RNF144A: variants seen among roughly 807,000 people sequenced by gnomAD.
RNF144A encodes E3 ubiquitin-protein ligase RNF144A.
In RNF144A, 11 loss-of-function variants were observed where a neutral mutation model predicts 38.7. The ratio of observed to expected loss-of-function variants is 0.28; its 90% CI spans 0.18 to 0.47. The LOEUF (loss-of-function observed/expected upper bound fraction) is 0.47. RNF144A is among the 20% of genes least tolerant of loss of function. The pLI, the probability that RNF144A is intolerant of heterozygous loss-of-function variation, is 0.99. For missense variants in RNF144A, 316 were observed against 377.2 expected (o/e 0.84, Z 1.34); for synonymous variants, 149 against 143.9 (o/e 1.04, Z -0.25).
chr2:7,020,553 C>G lies in RNF144A; in HGVS notation c.382C>G (p.Gln128Glu). ...AVCQLQDVGLQTPQPVQCKAC... is the reference protein window; with the variant it reads ...AVCQLQDVGLETPQPVQCKAC... ...GTGTCAGCTCCAGGACGTGGGGCTG[C>G]AGACCCCCCAGCCAGTGCAGTGCAA... The change falls in exon 6 of 9, where the codon CAG becomes GAG. Residue 128 changes from glutamine (Q) to glutamate (E), a missense_variant. Transcript: ENST00000320892. 6.2e-7 allele frequency: 1 copy of G among 1,613,410 alleles called. No homozygotes were observed. The highest frequency in any genetic ancestry group is 8.5e-7 in the Non-Finnish European group (1 of 1,179,992).
In RNF144A at chr2:7,042,389, T is replaced by C. The variant is rs907814674; in HGVS notation, c.*2629T>C. 7.1e-6 allele frequency: 7 copies of C among 985,280 alleles called. No homozygotes were observed. The highest frequency in any genetic ancestry group is 5.2e-5 in the African/African-American group (3 of 57,218). 61.0% of individuals were successfully genotyped at this position (985,280 alleles called of 1,614,324 possible). On this transcript the variant is annotated 3_prime_UTR_variant, in exon 9 of 9. Transcript: ENST00000320892. ...GGCATAATTTGTCTCCATTGAAAAA[T>C]GGCATTCACTCTTACAGATGGTGTT...
intron 8 of RNF144A, among the ~76,000 whole-genome samples, chr2:7,038,925 G>A (rs750599617): frequency 6.6e-6 from 1 of 151,676 alleles, no homozygotes; most frequent in East Asian, 1.9e-4. Flanking sequence ...ATGGATAGAT[G>A]GATGATGGTT....
intron 2 of RNF144A, among the ~76,000 whole-genome samples, chr2:6,946,922 T>G (rs1666377707): frequency 6.6e-6 from 1 of 152,192 alleles, no homozygotes; most frequent in Non-Finnish European, 1.5e-5. Flanking sequence ...AGGTTTACTT[T>G]TGTGGGAAGA....
chr2:7,056,515 CCCT>C (rs1342146686), intron 6 of RNF144A, among the ~76,000 whole-genome samples: 1 of 152,208 alleles, frequency 6.6e-6, no homozygotes, highest in Non-Finnish European at 1.5e-5. Context: ...CACCAACCAT[CCCT>C]CCTCAGCCCA....
chr2:7,003,655 A>C (rs1268335273), intron 3 of RNF144A, among the ~76,000 whole-genome samples: 1 of 152,214 alleles, frequency 6.6e-6, no homozygotes, highest in Non-Finnish European at 1.5e-5. Flanking sequence ...AGAATCCTCT[A>C]AGGATACATT....
Position 7,014,709 on chromosome 2 carries a change from T to G in RNF144A, c.241-3T>G. 6.2e-7 allele frequency: 1 copy of G among 1,611,852 alleles called. No individual in the cohort carries two copies. Among genetic ancestry groups the G allele is most frequent in the Non-Finnish European group, 8.5e-7 (1 of 1,178,102 alleles). On this transcript the variant is annotated splice_polypyrimidine_tract_variant and splice_region_variant and intron_variant, in intron 4 of 8. Transcript: ENST00000320892. ...TTCCTGTTTGCATTTTTTTTTCCCT[T>G]AGATTGAGTGCATGGTTGCAGCTGA...
At chr2:6,968,491 C>T (rs1053999057) in intron 2 of RNF144A, among the ~76,000 whole-genome samples, 1 of 152,190 alleles carries the variant, frequency 6.6e-6, no homozygotes, top group African/African-American at 2.4e-5. Context: ...AACATGAACA[C>T]GGCTCCAGTA....
downstream of RNF144A, among the ~76,000 whole-genome samples, chr2:7,045,383 G>C (rs1673265851): frequency 6.6e-6 from 1 of 152,166 alleles, no homozygotes; most frequent in African/African-American, 2.4e-5. Flanking sequence ...TGAAGGTTCA[G>C]GTATCTGCAG....
At chr2:7,027,716 T>C (rs1032600053) in intron 7 of RNF144A, among the ~76,000 whole-genome samples, 1 of 152,224 alleles carries the variant, frequency 6.6e-6, no homozygotes, top group Admixed American at 6.5e-5. Flanking sequence ...ATGGAACTTT[T>C]CTGAACAATA....
intron 6 of RNF144A, among the ~76,000 whole-genome samples, chr2:7,061,625 T>G (rs1196992574): frequency 1.3e-5 from 2 of 152,212 alleles, no homozygotes; most frequent in South Asian, 2.1e-4. Flanking sequence ...CTTAGGCAAG[T>G]CTTCTGCTGT....
intron 1 of RNF144A, chr2:6,918,613 A>G (rs910008149): frequency 6.6e-6 from 1 of 151,058 alleles, no homozygotes; most frequent in Non-Finnish European, 1.5e-5. Context: ...AAATACAAAA[A>G]ATTAGCCGGG....
intron 5 of RNF144A, among the ~76,000 whole-genome samples, chr2:7,017,943 A>T (rs980240489): frequency 2.6e-5 from 4 of 152,134 alleles, no homozygotes; most frequent in Admixed American, 6.5e-5. Flanking sequence ...CTATATGAGG[A>T]CAAAACTAAT....
At chr2:7,060,062 A>T (rs1467950065) in intron 6 of RNF144A, among the ~76,000 whole-genome samples, 2 of 152,172 alleles carry the variant, frequency 1.3e-5, no homozygotes, top group Non-Finnish European at 2.9e-5. Context: ...TTGAAACGTT[A>T]TCCATGTTCT....
At chr2:6,973,449 T>TA (rs1668112912) in intron 2 of RNF144A, among the ~76,000 whole-genome samples, 1 of 152,198 alleles carries the variant, frequency 6.6e-6, no homozygotes, top group Non-Finnish European at 1.5e-5. Flanking sequence ...ACACGCAGAT[T>TA]AAATGCTGAT....
At chr2:6,977,387 T>C (rs755939920) in intron 2 of RNF144A, among the ~76,000 whole-genome samples, 46 of 152,260 alleles carry the variant, frequency 3.0e-4, no homozygotes, top group Non-Finnish European at 6.2e-4. Flanking sequence ...GACATGGTTC[T>C]TTTGAACATC....
intron 2 of RNF144A, among the ~76,000 whole-genome samples, chr2:6,942,900 C>A (rs1283588431): frequency 6.6e-6 from 1 of 152,188 alleles, no homozygotes. Context: ...AGGAGAATTG[C>A]TTGAACCTGG....
chr2:7,004,371 C>T (rs1418076077), intron 3 of RNF144A, among the ~76,000 whole-genome samples: 2 of 152,180 alleles, frequency 1.3e-5, no homozygotes, highest in Non-Finnish European at 1.5e-5. Context: ...AAATAACCTT[C>T]CAGCTCTATT....
At chr2:6,954,497 T>C (rs1666878191) in intron 2 of RNF144A, among the ~76,000 whole-genome samples, 1 of 152,234 alleles carries the variant, frequency 6.6e-6, no homozygotes, top group Admixed American at 6.5e-5. Flanking sequence ...GCTTTAGTTA[T>C]TTTCTGCTGG....
intron 6 of RNF144A, among the ~76,000 whole-genome samples, chr2:7,052,832 C>T (rs891783958): frequency 4.3e-5 from 5 of 115,016 alleles, no homozygotes; most frequent in African/African-American, 1.8e-4. Flanking sequence ...AGGAGCCCCC[C>T]TTTCCAACAC....
Sources: allele counts gnomAD v4.1 joint callset (sites outside exome capture counted in the v4.1 genomes callset), GRCh38; gene constraint gnomAD v4.1.1; transcripts MANE v1.5; gene names NCBI Gene and HGNC (gene_info 2026-07-23, HGNC 2026-07-21).